KRT8: variants seen among roughly 807,000 people sequenced by gnomAD.
The protein encoded by KRT8 is keratin 8, also known as keratin, type II cytoskeletal 8.
KRT8 carries 24 observed loss-of-function variants against 43.0 expected under a neutral mutation model. That is an observed-to-expected ratio of 0.56 (90% confidence interval 0.40 to 0.78). The LOEUF (loss-of-function observed/expected upper bound fraction) is 0.78. Ranked by LOEUF, KRT8 falls within the 30% of genes least tolerant of loss-of-function variation. The pLI is 0.00. For synonymous variants in KRT8, 214 were observed against 261.2 expected, an observed-to-expected ratio of 0.82 and a Z score of 1.74; for missense variants, 492 against 638.4, an observed-to-expected ratio of 0.77 and a Z score of 2.47.
At chr12:52,905,136 G>C (rs1439701663), upstream of KRT8, 11 of 1,401,678 alleles carry the variant, frequency 7.8e-6, no homozygotes, top group Non-Finnish European at 1.0e-5. Context: ...TCGTACCTGA[G>C]TGGCTAGGCC....
chr12:52,910,917 C>T (rs1183438896), upstream of KRT8, among the ~76,000 whole-genome samples: 1 of 152,152 alleles, frequency 6.6e-6, no homozygotes, highest in Non-Finnish European at 1.5e-5. Context: ...CTGTATTCAC[C>T]TTTTCATTTA....
intron 2 of KRT8, among the ~76,000 whole-genome samples, chr12:52,926,793 G>A (rs574479140): frequency 6.6e-6 from 1 of 152,312 alleles, no homozygotes; most frequent in South Asian, 2.1e-4. Flanking sequence ...CCAGCAAGTA[G>A]TAGTCAGAGC....
chr12:52,936,502 TTC>T (rs1942171659), intron 2 of KRT8, among the ~76,000 whole-genome samples: 1 of 152,140 alleles, frequency 6.6e-6, no homozygotes, highest in Non-Finnish European at 1.5e-5. Context: ...GCTAGATTTC[TTC>T]TGTTGTTTTT....
intron 2 of KRT8, among the ~76,000 whole-genome samples, chr12:52,929,753 G>A (rs928859168): frequency 2.1e-4 from 32 of 152,118 alleles, no homozygotes; most frequent in Non-Finnish European, 1.5e-4. Flanking sequence ...CAGATTAAGA[G>A]CCTTGCTCTT....
Position 52,898,659 on chromosome 12 carries a change from T to G in KRT8, c.1202+20A>C. 6.2e-7 allele frequency: 1 copy of G among 1,614,042 alleles called. No individual in the cohort carries two copies. The highest frequency in any genetic ancestry group is 8.5e-7 in the Non-Finnish European group (1 of 1,179,974). ...CCCAGGGATAGGGAAGCAGGTCCGG[T>G]CAGAGGTACCCACACCCACCGGCTC... On this transcript the variant is annotated intron_variant, in intron 6 of 7. Coordinates refer to ENST00000692008, the Ensembl canonical transcript of KRT8.
intron 2 of KRT8, among the ~76,000 whole-genome samples, chr12:52,938,607 C>T (rs1208709739): frequency 5.4e-5 from 8 of 149,186 alleles, no homozygotes; most frequent in Admixed American, 4.1e-4. Context: ...GAAGACTCCC[C>T]TCTCTACAAA....
chr12:52,919,204 T>C (rs1941836385), intron 2 of KRT8, among the ~76,000 whole-genome samples: 1 of 152,120 alleles, frequency 6.6e-6, no homozygotes, highest in African/African-American at 2.4e-5. Flanking sequence ...TCCCTGCCAA[T>C]GATGGTGGCA....
rs71092794 is a variant in KRT8, at chr12:52,935,378, C to CAA, written c.-47+14076_-47+14077dup. 8.8e-4 allele frequency among the ~76,000 whole-genome samples: 21 copies of CAA among 23,754 alleles called. 1 individual carries two copies. The highest frequency in any genetic ancestry group is 3.1e-3 in the African/African-American group (16 of 5,156). The allele number at this position is 23,754 out of a possible 152,430, so 15.6% of individuals were successfully genotyped here. A position where few individuals can be genotyped will look rare whatever the true frequency, so the allele number is the denominator to read the frequency against. On this transcript the variant is annotated intron_variant, in intron 2 of 6. Coordinates refer to the KRT8 transcript ENST00000546826. ...TGGGTGACAGAGCAAGACTCTGTCT[C>CAA]AAAAAAAAAAAAAAAAAAAAAAAAA...
At chr12:52,938,152 ATATATATATATATATATAT>A (rs1421573096) in intron 2 of KRT8, among the ~76,000 whole-genome samples, 1 of 32,486 alleles carries the variant, frequency 3.1e-5, no homozygotes, top group Non-Finnish European at 5.4e-5. Context: ...ATATATATAT[ATATATATATATATATATAT>A]TTTTTTTTTT....
chr12:52,901,365 C>T, intron 2 of KRT8, 146 bp from the exon 3 acceptor site: 1 of 708,820 alleles, frequency 1.4e-6, no homozygotes, highest in South Asian at 1.5e-5. Context: ...CTGCCTTCCC[C>T]AGCTGCCCTC....
At chr12:52,934,802 C>T (rs902705671) in intron 2 of KRT8, among the ~76,000 whole-genome samples, 4 of 151,744 alleles carry the variant, frequency 2.6e-5, no homozygotes, top group African/African-American at 9.7e-5. Flanking sequence ...AAACCCATCT[C>T]TACTAAAAAT....
At chr12:52,923,670 G>A (rs899211874) in intron 2 of KRT8, among the ~76,000 whole-genome samples, 4 of 151,366 alleles carry the variant, frequency 2.6e-5, no homozygotes, top group Admixed American at 6.6e-5. Flanking sequence ...CGCCCGCCTC[G>A]GCCTCCCAAA....
chr12:52,897,449 G>T (rs1206659823), exon 8 of KRT8: 1 of 1,599,498 alleles, frequency 6.3e-7, no homozygotes, highest in African/African-American at 1.3e-5. Flanking sequence ...GGACGTCAGA[G>T]GACTCAGACA....
intron 2 of KRT8, among the ~76,000 whole-genome samples, chr12:52,938,185 TATATATAAGG>T (rs1942210430): frequency 3.1e-5 from 2 of 65,192 alleles, no homozygotes; most frequent in South Asian, 4.5e-4. Context: ...TTTTTTTTTT[TATATATAAGG>T]TCTTGCTCTG....
chr12:52,920,955 C>A (rs1941872697), intron 2 of KRT8, among the ~76,000 whole-genome samples: 1 of 152,200 alleles, frequency 6.6e-6, no homozygotes, highest in South Asian at 2.1e-4. Context: ...AAAGAAAAGA[C>A]CTGCTACCCA....
intron 2 of KRT8, among the ~76,000 whole-genome samples, chr12:52,937,574 G>A (rs953995372): frequency 2.0e-5 from 3 of 151,244 alleles, no homozygotes; most frequent in African/African-American, 7.3e-5. Context: ...TATAATCCCA[G>A]CTACTCTGGA....
rs190434839 is a variant in KRT8 at position 52,903,147 on chromosome 12, A to T, written c.325-1075T>A. Reference sequence around the variant, plus strand: ...TCATTCTGCCCCAAAATTATTTTTTAAAAAAAAGTGATTATAACATCTTAT... The same window carrying T: ...TCATTCTGCCCCAAAATTATTTTTTTAAAAAAAGTGATTATAACATCTTAT... On this transcript the variant is annotated intron_variant, in intron 1 of 7. Transcript: ENST00000692008. Among the ~76,000 whole-genome samples, 1,428 of 152,182 alleles carry T rather than the reference A, an allele frequency of 9.4e-3. 17 individuals are homozygous for T. The highest frequency in any genetic ancestry group is 0.031 in the African/African-American group (1,288 of 41,532).
At chr12:52,934,838 G>A (rs1006849868) in intron 2 of KRT8, among the ~76,000 whole-genome samples, 8 of 151,600 alleles carry the variant, frequency 5.3e-5, no homozygotes, top group African/African-American at 1.2e-4. Flanking sequence ...GCATGGTGGC[G>A]TATGCCTGTA....
At chr12:52,918,787 T>G (rs760933527) in intron 2 of KRT8, among the ~76,000 whole-genome samples, 4 of 152,070 alleles carry the variant, frequency 2.6e-5, no homozygotes, top group African/African-American at 9.7e-5. Context: ...CCCAAAGCCT[T>G]TCTCCACACA....
Sources: gnomAD v4.1 joint callset for allele counts (sites outside exome capture counted in the v4.1 genomes callset) on GRCh38, gnomAD v4.1.1 for gene constraint, MANE v1.5 for transcripts, NCBI Gene and HGNC (gene_info 2026-07-23, HGNC 2026-07-21) for gene names.